LAMA3: variants seen among roughly 807,000 people sequenced by gnomAD.
LAMA3 encodes the protein laminin subunit alpha 3.
LAMA3 carries 281 observed loss-of-function variants against 402.0 expected under a neutral mutation model. The observed-to-expected ratio is 0.70, with a 90% CI of 0.63 to 0.77. LAMA3 has a LOEUF of 0.77. Ranked by LOEUF, LAMA3 falls within the 30% of genes least tolerant of loss-of-function variation. LAMA3 has a pLI of 0.00. For missense variants in LAMA3, 3,840 were observed against 4,215.5 expected (o/e 0.91, Z 2.47); for synonymous variants, 1,431 against 1,558.4 (o/e 0.92, Z 1.93).
At chr18:23,772,316 A>C (rs1444161680) in intron 8 of LAMA3, among the ~76,000 whole-genome samples, 3 of 152,206 alleles carry the variant, frequency 2.0e-5, no homozygotes, top group African/African-American at 7.2e-5. Context: ...CTGGGATTAC[A>C]GGCGTGAGCC....
chr18:23,767,414 C>T (rs1021725413), intron 8 of LAMA3, among the ~76,000 whole-genome samples: 1 of 152,056 alleles, frequency 6.6e-6, no homozygotes, highest in Non-Finnish European at 1.5e-5. Context: ...CAAAGCAGCC[C>T]TAGGCAAAAA....
intron 32 of LAMA3, among the ~76,000 whole-genome samples, chr18:23,852,824 T>G (rs974866376): frequency 2.6e-5 from 4 of 152,194 alleles, no homozygotes; most frequent in Non-Finnish European, 4.4e-5. Context: ...TCTGGCTTGG[T>G]TTTCTCACTT....
At chr18:23,714,093 G>C in intron 2 of LAMA3, 21 bp downstream of exon 2, 2 of 1,608,394 alleles carry the variant, frequency 1.2e-6, no homozygotes. Context: ...CTTTTAACTG[G>C]AATGGGAACA....
intron 11 of LAMA3, among the ~76,000 whole-genome samples, chr18:23,779,459 G>A (rs920749001): frequency 3.3e-5 from 5 of 152,228 alleles, no homozygotes; most frequent in South Asian, 2.1e-4. Flanking sequence ...TTGCTAGACC[G>A]GAAGTAGAAT....
intron 39 of LAMA3, among the ~76,000 whole-genome samples, chr18:23,881,706 T>C (rs930356936): frequency 6.6e-6 from 1 of 152,216 alleles, no homozygotes; most frequent in African/African-American, 2.4e-5. Context: ...GTCCCCACTA[T>C]GTCACGCTGC....
At chr18:23,935,255 T>C (rs2082278217) in intron 67 of LAMA3, among the ~76,000 whole-genome samples, 1 of 152,142 alleles carries the variant, frequency 6.6e-6, no homozygotes, top group Non-Finnish European at 1.5e-5. Flanking sequence ...GTCCCCTCCA[T>C]GGAGATAGGA....
chr18:23,775,291 T>C (rs985313622), intron 9 of LAMA3, among the ~76,000 whole-genome samples: 4 of 152,216 alleles, frequency 2.6e-5, no homozygotes, highest in African/African-American at 9.6e-5. Context: ...GTAAGCCATT[T>C]CACTCAGATT....
intron 12 of LAMA3, chr18:23,796,072 A>G (rs2062757545): frequency 2.2e-6 from 1 of 448,268 alleles, no homozygotes; most frequent in African/African-American, 2.0e-5. Flanking sequence ...GGCCCTCAGC[A>G]GAAACTGAAC....
At position 23,889,998 on chromosome 18, in the gene LAMA3, A is replaced by G; in HGVS notation, c.5304-13A>G. The G allele has an allele frequency of 6.3e-7, 1 of 1,594,108 alleles. No homozygotes were observed. The highest frequency in any genetic ancestry group is 1.1e-5 in the South Asian group (1 of 90,646). ...TATTTGGGTGTTTCTCCTCCTCTCT[A>G]TATTTTGTGTAGGTGTGCACCGGGA... is the stretch of plus-strand genomic sequence containing the variant. On this transcript the variant is annotated splice_polypyrimidine_tract_variant and intron_variant, in intron 41 of 74. Transcript: ENST00000313654.
intron 35 of LAMA3, among the ~76,000 whole-genome samples, chr18:23,864,504 G>A (rs1340970761): frequency 1.3e-5 from 2 of 152,042 alleles, no homozygotes; most frequent in African/African-American, 4.8e-5. Context: ...TGGGATTATA[G>A]GCATGAGCTA....
chr18:23,935,558 C>G (rs1053502906), intron 67 of LAMA3, among the ~76,000 whole-genome samples: 3 of 152,168 alleles, frequency 2.0e-5, no homozygotes, highest in Admixed American at 6.5e-5. Context: ...ACTCTGGAGT[C>G]AGACTTCCTG....
At chr18:23,837,331 A>G (rs997244472) in intron 25 of LAMA3, 1 of 499,162 alleles carries the variant, frequency 2.0e-6, no homozygotes, top group Non-Finnish European at 3.6e-6. Flanking sequence ...CCGTTTCATT[A>G]GTTTTTATTC....
At chr18:23,942,004 A>C (rs1463766938) in intron 68 of LAMA3, among the ~76,000 whole-genome samples, 2 of 152,250 alleles carry the variant, frequency 1.3e-5, no homozygotes, top group African/African-American at 4.8e-5. Context: ...TAACAAATAT[A>C]GATTTCTCTT....
intron 33 of LAMA3, 130 bp from the exon 34 acceptor site, chr18:23,858,559 T>A (rs896763450): frequency 2.4e-6 from 2 of 835,146 alleles, no homozygotes; most frequent in African/African-American, 3.4e-5. Context: ...ATAATTAACA[T>A]CTCTTTTAAT....
At chr18:23,744,571 C>T (rs2061615709) in intron 2 of LAMA3, among the ~76,000 whole-genome samples, 1 of 152,004 alleles carries the variant, frequency 6.6e-6, no homozygotes, top group Non-Finnish European at 1.5e-5. Context: ...GTGGCTCATA[C>T]CTGTAATCCC....
At chr18:23,943,662 C>T in intron 68 of LAMA3, 126 bp from the exon 69 acceptor site, 1 of 811,152 alleles carries the variant, frequency 1.2e-6, no homozygotes, top group Non-Finnish European at 2.1e-6. Context: ...TTAATCAGTA[C>T]CTACGTTAGC....
intron 5 of LAMA3, among the ~76,000 whole-genome samples, chr18:23,752,632 G>T (rs951601667): frequency 9.9e-5 from 15 of 152,146 alleles, no homozygotes; most frequent in Admixed American, 9.8e-4. Context: ...GCCCCTGAGT[G>T]TTAACTTGTC....
chr18:23,833,578 C>T (rs1441734318), intron 23 of LAMA3, among the ~76,000 whole-genome samples: 4 of 152,174 alleles, frequency 2.6e-5, no homozygotes, highest in East Asian at 1.9e-4. Context: ...AACGAAAATA[C>T]GGGATGCCCC....
At chr18:23,759,707 TA>T (rs1171187162) in intron 7 of LAMA3, among the ~76,000 whole-genome samples, 3 of 152,210 alleles carry the variant, frequency 2.0e-5, no homozygotes, top group Non-Finnish European at 2.9e-5. Flanking sequence ...TTTGACCAAA[TA>T]TTTTTTGTAA....
Sources: gnomAD v4.1 joint callset for allele counts (sites outside exome capture counted in the v4.1 genomes callset) on GRCh38, gnomAD v4.1.1 for gene constraint, MANE v1.5 for transcripts, NCBI Gene and HGNC (gene_info 2026-07-23, HGNC 2026-07-21) for gene names.